Variants in CAST observed in about 807,000 individuals in gnomAD.
CAST encodes calpastatin.
CAST carries 76 observed loss-of-function variants against 119.6 expected under a neutral mutation model. The ratio of observed to expected loss-of-function variants is 0.64; its 90% CI spans 0.53 to 0.77. The LOEUF (loss-of-function observed/expected upper bound fraction) is 0.77, where lower values mean the gene tolerates loss of function less well. Among genes scored for constraint, CAST ranks in the 30% least tolerant of loss-of-function variants. The pLI is 0.00. For missense variants in CAST, 953 were observed against 946.5 expected, an observed-to-expected ratio of 1.01 and a Z score of -0.09; for synonymous variants, 319 against 331.6, an observed-to-expected ratio of 0.96 and a Z score of 0.41.
chr5:96,662,297 C>A, upstream of CAST: 1 of 1,182,198 alleles, frequency 8.5e-7, no homozygotes, highest in Non-Finnish European at 1.1e-6. Context: ...AAAGCTGTTT[C>A]ATCGCCCGCT....
chr5:96,429,372 G>A, the CAST span: 1 of 971,290 alleles, frequency 1.0e-6, no homozygotes, highest in East Asian at 2.4e-5. Flanking sequence ...AGTATATATG[G>A]ACTAGTTTAA....
At chr5:96,068,292 A>T in the CAST span, among the ~76,000 whole-genome samples, 5 of 152,042 alleles carry the variant, frequency 3.3e-5, no homozygotes, top group Non-Finnish European at 4.4e-5. Context: ...CTTATATATT[A>T]TCTCTATTAC....
the CAST span, among the ~76,000 whole-genome samples, chr5:95,966,604 A>G: frequency 5.9e-5 from 9 of 152,258 alleles, no homozygotes; most frequent in African/African-American, 1.9e-4. Flanking sequence ...GGAAGTAAGG[A>G]AAGTCCCTCC....
At chr5:96,495,041 C>T in the CAST span, among the ~76,000 whole-genome samples, 3 of 150,730 alleles carry the variant, frequency 2.0e-5, no homozygotes, top group Non-Finnish European at 2.9e-5. Context: ...TCGCTTGAAC[C>T]CGGGAGGCGG....
At chr5:96,087,923 A>G in the CAST span, among the ~76,000 whole-genome samples, 1 of 152,224 alleles carries the variant, frequency 6.6e-6, no homozygotes, top group South Asian at 2.1e-4. Context: ...TTTTTATAAT[A>G]ACATGTATCA....
chr5:96,564,985 C>T (rs897635273), intron 1 of CAST, among the ~76,000 whole-genome samples: 2 of 152,000 alleles, frequency 1.3e-5, no homozygotes, highest in East Asian at 1.9e-4. Context: ...GTGAATTAAG[C>T]TATGCCCTTA....
At chr5:96,575,614 A>G (rs962692527) in intron 1 of CAST, among the ~76,000 whole-genome samples, 1 of 150,182 alleles carries the variant, frequency 6.7e-6, no homozygotes, top group East Asian at 2.0e-4. Flanking sequence ...TGAGCATTGG[A>G]TTTTTTCAAA....
intron 2 of CAST, among the ~76,000 whole-genome samples, chr5:96,695,084 T>C: frequency 6.6e-6 from 1 of 152,216 alleles, no homozygotes; most frequent in Non-Finnish European, 1.5e-5. Flanking sequence ...GATTGGAGTC[T>C]GGAGCAGATA....
intron 1 of CAST, among the ~76,000 whole-genome samples, chr5:96,556,496 A>G (rs1273462008): frequency 6.6e-6 from 1 of 152,200 alleles, no homozygotes; most frequent in East Asian, 1.9e-4. Context: ...AGAATAACCA[A>G]TGCAGAGAAG....
chr5:96,601,667 G>A (rs1032192243), intron 1 of CAST, among the ~76,000 whole-genome samples: 2 of 151,884 alleles, frequency 1.3e-5, no homozygotes, highest in African/African-American at 4.8e-5. Context: ...CTTTCTACTC[G>A]ATTGGTTTTT....
At chr5:96,363,221 T>C in the CAST span, among the ~76,000 whole-genome samples, 1 of 149,702 alleles carries the variant, frequency 6.7e-6, no homozygotes. Context: ...AGTACCATGC[T>C]GTTTTGGTTA....
intron 1 of CAST, among the ~76,000 whole-genome samples, chr5:96,534,820 G>GAA (rs1164296676): frequency 4.5e-5 from 6 of 133,664 alleles, no homozygotes; most frequent in Non-Finnish European, 8.2e-5. Context: ...AAGAAAGAAA[G>GAA]AAAAGAAAGA....
intron 1 of CAST, among the ~76,000 whole-genome samples, chr5:96,560,291 C>T (rs1327617057): frequency 2.6e-5 from 4 of 151,982 alleles, no homozygotes; most frequent in Non-Finnish European, 4.4e-5. Context: ...AGGACATAGG[C>T]ATGGACAAGG....
At chr5:96,026,336 G>A in the CAST span, among the ~76,000 whole-genome samples, 1 of 152,118 alleles carries the variant, frequency 6.6e-6, no homozygotes, top group Non-Finnish European at 1.5e-5. Context: ...CTAATAAAGA[G>A]GAGAAGGAAA....
At chr5:96,040,588 G>C in the CAST span, among the ~76,000 whole-genome samples, 1 of 152,128 alleles carries the variant, frequency 6.6e-6, no homozygotes, top group Non-Finnish European at 1.5e-5. Context: ...ATGAAGGGCT[G>C]TTAAATTTTG....
the CAST span, among the ~76,000 whole-genome samples, chr5:96,036,512 G>T: frequency 1.3e-5 from 2 of 152,004 alleles, no homozygotes; most frequent in Non-Finnish European, 2.9e-5. Flanking sequence ...TACATGTTTA[G>T]GTGCCAGGGC....
chr5:96,189,261 A>G, the CAST span, among the ~76,000 whole-genome samples: 1 of 152,128 alleles, frequency 6.6e-6, no homozygotes, highest in Non-Finnish European at 1.5e-5. Flanking sequence ...ATTTCATCAG[A>G]GAGGATTTGG....
At chr5:96,679,922 A>G (rs1751149873) in intron 2 of CAST, among the ~76,000 whole-genome samples, 1 of 152,152 alleles carries the variant, frequency 6.6e-6, no homozygotes, top group Non-Finnish European at 1.5e-5. Context: ...ACTTGTGTGT[A>G]TATACTTAAA....
intron 3 of CAST, chr5:96,703,011 G>C (rs1467635961): frequency 2.2e-6 from 2 of 902,754 alleles, no homozygotes; most frequent in Non-Finnish European, 2.7e-6. Context: ...TCCGGGGCCT[G>C]GTCCCTGCAG....
Sources: allele counts gnomAD v4.1 joint callset (sites outside exome capture counted in the v4.1 genomes callset), GRCh38; gene constraint gnomAD v4.1.1; transcripts MANE v1.5; gene names NCBI Gene and HGNC (gene_info 2026-07-23, HGNC 2026-07-21).